The following MAD1L1 variants were observed in gnomAD, a reference collection of about 807,000 sequenced individuals.
MAD1L1 encodes mitotic spindle assembly checkpoint protein MAD1.
A neutral mutation model predicts 96.9 loss-of-function variants in MAD1L1; 95 were observed. The observed-to-expected ratio is 0.98, with a 90% CI of 0.83 to 1.16. The LOEUF is 1.16. Ranked by LOEUF, MAD1L1 falls within the 50% of genes most tolerant of loss-of-function variation. The pLI is 0.00. For missense variants in MAD1L1, 1,007 were observed against 954.4 expected (o/e 1.06, Z -0.73); for synonymous variants, 473 against 396.6 (o/e 1.19, Z -2.29).
At chr7:1,864,426 G>C (rs1784680372) in intron 18 of MAD1L1, among the ~76,000 whole-genome samples, 1 of 152,190 alleles carries the variant, frequency 6.6e-6, no homozygotes, top group Non-Finnish European at 1.5e-5. Flanking sequence ...CTTTTGACTG[G>C]GGCTCAGGGC....
At chr7:2,130,968 C>T (rs577998769) in intron 11 of MAD1L1, among the ~76,000 whole-genome samples, 34 of 152,368 alleles carry the variant, frequency 2.2e-4, no homozygotes, top group African/African-American at 7.0e-4. Context: ...AACTTGTCTA[C>T]ATGAATGATC....
chr7:1,862,187 C>A (rs1370307186), intron 18 of MAD1L1, among the ~76,000 whole-genome samples: 1 of 152,176 alleles, frequency 6.6e-6, no homozygotes, highest in Non-Finnish European at 1.5e-5. Flanking sequence ...CTCTGGACTT[C>A]GGGAGCCAGG....
At chr7:2,002,620 G>A (rs1158851331) in intron 13 of MAD1L1, among the ~76,000 whole-genome samples, 1 of 152,120 alleles carries the variant, frequency 6.6e-6, no homozygotes, top group African/African-American at 2.4e-5. Flanking sequence ...GCAGGACCCC[G>A]ACCCAGGCAG....
rs1584027783 is a variant in MAD1L1, at chr7:1,996,473, C to T, written c.1416+5592G>A. Among the ~76,000 whole-genome samples the T allele has an allele frequency of 3.3e-5, 5 of 152,352 alleles. No individual in the cohort carries two copies. The South Asian group carries it at 1.0e-3, about 32-fold the overall frequency. On this transcript the variant is annotated intron_variant, in intron 14 of 18. Transcript: ENST00000265854. ...CCACAGGCTCCTGCACAGGAGACCC[C>T]AGAGAGCCTAGAGCTTCTTCATGGG...
chr7:2,117,305 C>A (rs564415415), intron 11 of MAD1L1, among the ~76,000 whole-genome samples: 1 of 152,328 alleles, frequency 6.6e-6, no homozygotes, highest in African/African-American at 2.4e-5. Flanking sequence ...AACAGGCAGT[C>A]CAGCTCCACA....
intron 13 of MAD1L1, among the ~76,000 whole-genome samples, chr7:2,003,453 C>G (rs1781895111): frequency 6.6e-6 from 1 of 152,054 alleles, no homozygotes; most frequent in Non-Finnish European, 1.5e-5. Context: ...AGACCATGGG[C>G]CCCCAAGCTC....
At chr7:2,182,539 C>G (rs1298320865) in intron 10 of MAD1L1, among the ~76,000 whole-genome samples, 1 of 152,082 alleles carries the variant, frequency 6.6e-6, no homozygotes, top group African/African-American at 2.4e-5. Flanking sequence ...TTCGTAATAG[C>G]CAGAAAGTGA....
At chr7:2,186,649 A>T (rs1413281771) in intron 10 of MAD1L1, among the ~76,000 whole-genome samples, 1 of 152,232 alleles carries the variant, frequency 6.6e-6, no homozygotes, top group Admixed American at 6.5e-5. Flanking sequence ...AAAGCATGTC[A>T]CAGAGCTGTA....
intron 17 of MAD1L1, among the ~76,000 whole-genome samples, chr7:1,925,621 C>T (rs911506513): frequency 1.3e-5 from 2 of 152,232 alleles, no homozygotes; most frequent in Non-Finnish European, 2.9e-5. Context: ...TCCCAGGAGG[C>T]CCCACCTCCC....
chr7:1,869,781 C>T (rs1453396978), intron 18 of MAD1L1, among the ~76,000 whole-genome samples: 4 of 152,316 alleles, frequency 2.6e-5, no homozygotes, highest in Non-Finnish European at 4.4e-5. Context: ...GAACACATCA[C>T]GACTGTCCCT....
chr7:2,168,473 C>A (rs1254390738), intron 10 of MAD1L1, among the ~76,000 whole-genome samples: 1 of 152,228 alleles, frequency 6.6e-6, no homozygotes, highest in Non-Finnish European at 1.5e-5. Flanking sequence ...TCTAGAAAGG[C>A]AACAGCCATG....
intron 18 of MAD1L1, among the ~76,000 whole-genome samples, chr7:1,836,002 T>C (rs1256595421): frequency 1.3e-5 from 2 of 152,282 alleles, no homozygotes; most frequent in East Asian, 3.9e-4. Context: ...TAATGAGCAG[T>C]GAGGATGACC....
intron 12 of MAD1L1, among the ~76,000 whole-genome samples, chr7:2,049,204 G>C (rs1005139728): frequency 2.0e-5 from 3 of 152,192 alleles, no homozygotes; most frequent in Non-Finnish European, 2.9e-5. Context: ...AAAGGGAGCT[G>C]GCGCCAGGCA....
intron 11 of MAD1L1, among the ~76,000 whole-genome samples, chr7:2,129,281 C>A (rs968822461): frequency 6.6e-6 from 1 of 152,232 alleles, no homozygotes. Flanking sequence ...AAGAACAAGA[C>A]GCCTGGAAGA....
chr7:2,110,496 ACTT>A (rs1326835043), intron 11 of MAD1L1, among the ~76,000 whole-genome samples: 1 of 152,140 alleles, frequency 6.6e-6, no homozygotes, highest in Admixed American at 6.5e-5. Context: ...GACAGAGTTC[ACTT>A]CTTCTGAAGT....
intron 3 of MAD1L1, 119 bp from the exon 4 acceptor site, chr7:2,225,669 T>A: frequency 8.8e-7 from 1 of 1,142,320 alleles, no homozygotes; most frequent in Non-Finnish European, 1.2e-6. Context: ...CCGTGCTAAG[T>A]CTTGATGTGG....
rs1790080102 is a variant in MAD1L1 at position 2,160,975 on chromosome 7, C to T, written c.987-11737G>A. On this transcript the variant is annotated intron_variant, in intron 10 of 18. Transcript: ENST00000265854. ...AAAATCTAATTATAAACATTTGTAA[C>T]AAAACAATTCTATCATTCCTAACTG... Among the ~76,000 whole-genome samples the T allele has an allele frequency of 2.6e-5, 4 of 152,008 alleles. No individual in the cohort carries two copies. The South Asian group carries it at 8.3e-4, about 32-fold the overall frequency.
chr7:1,878,912 A>G (rs1033765690), intron 18 of MAD1L1, among the ~76,000 whole-genome samples: 2 of 152,202 alleles, frequency 1.3e-5, no homozygotes, highest in Non-Finnish European at 2.9e-5. Context: ...TCTAGAACTA[A>G]TAAGTAAATT....
chr7:1,867,424 G>A (rs946507488), intron 18 of MAD1L1, among the ~76,000 whole-genome samples: 4 of 152,236 alleles, frequency 2.6e-5, no homozygotes, highest in Non-Finnish European at 5.9e-5. Flanking sequence ...TCTGGATGAG[G>A]CGGTGGCAGC....
Sources: gnomAD v4.1 joint callset for allele counts (sites outside exome capture counted in the v4.1 genomes callset) on GRCh38, gnomAD v4.1.1 for gene constraint, MANE v1.5 for transcripts, NCBI Gene and HGNC (gene_info 2026-07-23, HGNC 2026-07-21) for gene names.